Variants in SH2B1 observed in about 807,000 individuals in gnomAD.
SH2B1 encodes SH2B adapter protein 1.
A neutral mutation model predicts 62.6 loss-of-function variants in SH2B1; 15 were observed. The observed-to-expected ratio is 0.24, with a 90% CI of 0.16 to 0.37. SH2B1 has a LOEUF of 0.37. SH2B1 is among the 10% of genes least tolerant of loss of function. The pLI is 1.00. For synonymous variants in SH2B1, 443 were observed against 438.0 expected, an observed-to-expected ratio of 1.01 and a Z score of -0.14; for missense variants, 925 against 1,015.6, an observed-to-expected ratio of 0.91 and a Z score of 1.21.
In SH2B1 at chr16:28,866,866, G is replaced by T. The variant is rs1962740192; in HGVS notation, c.772G>T (p.Ala258Ser). The T allele has an allele frequency of 6.2e-7, 1 of 1,609,552 alleles. No homozygotes were observed. The highest frequency in any genetic ancestry group is 1.3e-5 in the African/African-American group (1 of 74,874). The change falls in exon 1 of 8, where the codon GCT becomes TCT. Residue 258 changes from alanine to serine, a missense_variant. By Grantham distance (99) the Ala-to-Ser change is moderately conservative. Transcript: ENST00000684370. The surrounding 1 kb of genome is among the most constrained non-coding windows in gnomAD (Gnocchi z 6.3). ...GGAAGAGCTGCTGAGTTTCATGGGG[G>T]CTGAGGAGGCAGCCCCTGACCCAGC... ...QREELLSFMG[A>S]EEAAPDPAGV... is the part of the protein sequence containing the mutation.
intron 2 of SH2B1, 53 bp downstream of exon 2, chr16:28,867,485 C>T: frequency 1.4e-6 from 2 of 1,390,248 alleles, no homozygotes; most frequent in South Asian, 1.2e-5. Context: ...GGAGAAAGCC[C>T]TCAGCGCATT....
At chr16:28,870,694 T>G (rs1962979624) in intron 4 of SH2B1, among the ~76,000 whole-genome samples, 1 of 152,132 alleles carries the variant, frequency 6.6e-6, no homozygotes, top group South Asian at 2.1e-4. Flanking sequence ...GTTTGTGTTT[T>G]TGTTTTTGAG....
chr16:28,867,420 G>C lies in SH2B1; in HGVS notation c.1029G>C (p.Thr343=). The part of the protein sequence containing the change: ...TALEMPDREN[T]FVVKVEGPSE... ...TGGAGATGCCTGACCGGGAGAACACGTTTGTGGTTAAGGTAGGAATTCAAC... is the reference window on the plus strand; with the variant it reads ...TGGAGATGCCTGACCGGGAGAACACCTTTGTGGTTAAGGTAGGAATTCAAC... Residue 343 remains threonine (T), a synonymous_variant, in exon 2 of 8, where the codon ACG becomes ACC. Coordinates refer to ENST00000684370, the MANE Select transcript of SH2B1 (RefSeq NM_001387430.1). 6.2e-7 allele frequency: 1 copy of C among 1,613,518 alleles called. No individual in the cohort carries two copies. The highest frequency in any genetic ancestry group is 8.5e-7 in the Non-Finnish European group (1 of 1,179,392).
rs935756026 is a variant in SH2B1, at chr16:28,872,502, C to T, written c.1726-32C>T. ...GGTTTGTACCTGGCAGGGCCTTTGCCTCCTACCTCACCTCCCCCATCCCGC... is the reference window on the plus strand; with the variant it reads ...GGTTTGTACCTGGCAGGGCCTTTGCTTCCTACCTCACCTCCCCCATCCCGC... On this transcript the variant is annotated intron_variant, in intron 6 of 7. Coordinates refer to ENST00000684370, the MANE Select transcript of SH2B1 (RefSeq NM_001387430.1). This position sits in a 1 kb window ranked among gnomAD's most constrained non-coding sequence, Gnocchi z 5.3. The T allele has an allele frequency of 3.8e-6, 6 of 1,593,324 alleles. No individual in the cohort carries two copies. Among genetic ancestry groups the T allele is most frequent in the Non-Finnish European group, 5.1e-6 (6 of 1,167,150 alleles).
upstream of SH2B1, among the ~76,000 whole-genome samples, chr16:28,859,569 G>A (rs1292818417): frequency 1.3e-5 from 2 of 152,080 alleles, no homozygotes; most frequent in Non-Finnish European, 2.9e-5. Flanking sequence ...CAGGGAGCCA[G>A]GCGTGGGTCA....
chr16:28,865,312 G>A lies in SH2B1; in HGVS notation c.-783G>A. On this transcript the variant is annotated 5_prime_UTR_variant, in exon 1 of 8. Coordinates refer to ENST00000684370, the MANE Select transcript of SH2B1 (RefSeq NM_001387430.1). ...CTCCTTCACGCAGTGCGTGGGTGCTGGACTCTGGGGTCAGCTTTCAAGACA... is the reference window on the plus strand; with the variant it reads ...CTCCTTCACGCAGTGCGTGGGTGCTAGACTCTGGGGTCAGCTTTCAAGACA... The A allele has an allele frequency of 1.0e-6, 1 of 985,690 alleles. No homozygotes were observed. The highest frequency in any genetic ancestry group is 1.2e-6 in the Non-Finnish European group (1 of 829,994). The allele number at this position is 985,690 out of a possible 1,614,324, so 61.1% of individuals were successfully genotyped here.
In SH2B1 at chr16:28,852,854, TTA is replaced by T. The variant is rs1448939943; in HGVS notation, c.-301+6035_-301+6036del. On this transcript the variant is annotated intron_variant, in intron 1 of 10. Transcript: ENST00000322610. ...TATATATATATACATATATATATTTTTATATATATTTACATATATATTTTTAT... is the reference window on the plus strand; with the variant it reads ...TATATATATATACATATATATATTTTTATATATTTACATATATATTTTTAT... Among the ~76,000 whole-genome samples, 19 of 88,128 alleles carry T rather than the reference TTA, an allele frequency of 2.2e-4. 2 individuals are homozygous for T. Among genetic ancestry groups the T allele is most frequent in the South Asian group, 3.6e-4 (1 of 2,808 alleles). The allele number at this position is 88,128 out of a possible 152,430, so 57.8% of individuals were successfully genotyped here. A position where few individuals can be genotyped will look rare whatever the true frequency, so the allele number is the denominator to read the frequency against.
chr16:28,859,672 C>T (rs1962392358), upstream of SH2B1, among the ~76,000 whole-genome samples: 1 of 151,384 alleles, frequency 6.6e-6, no homozygotes. Flanking sequence ...TGTACCACTG[C>T]ACTCCAGCCC....
At position 28,873,711 on chromosome 16, in the gene SH2B1, G is replaced by A. The variant is rs1401234322; in HGVS notation, c.2162G>A (p.Gly721Glu). 1 of 1,500,360 alleles carries A rather than the reference G, an allele frequency of 6.7e-7. No individual in the cohort carries two copies. The highest frequency in any genetic ancestry group is 2.5e-5 in the East Asian group (1 of 40,462). The allele number at this position is 1,500,360 out of a possible 1,614,324, so 92.9% of individuals were successfully genotyped here. A position where few individuals can be genotyped will look rare whatever the true frequency, so the allele number is the denominator to read the frequency against. The change falls in exon 8 of 8, where the codon GGG becomes GAG. Residue 721 changes from glycine (G) to glutamate (E), a missense_variant. Coordinates refer to ENST00000684370, the MANE Select transcript of SH2B1 (RefSeq NM_001387430.1). The surrounding 1 kb of genome is among the most constrained non-coding windows in gnomAD (Gnocchi z 4.2). ...GAGGCCCAGGGCGCTGGGTCTGGTGGGGACGCGGGGGTGCCCCCAATGGTG... is the reference window on the plus strand; with the variant it reads ...GAGGCCCAGGGCGCTGGGTCTGGTGAGGACGCGGGGGTGCCCCCAATGGTG... ...GSEAQGAGSGGDAGVPPMVQL... is the reference protein window; with the variant it reads ...GSEAQGAGSGEDAGVPPMVQL...
In SH2B1 at chr16:28,865,659, CA is replaced by C; in HGVS notation, c.-435del. 1.0e-6 allele frequency: 1 copy of C among 994,854 alleles called. No individual in the cohort carries two copies. Among genetic ancestry groups the C allele is most frequent in the African/African-American group, 1.7e-5 (1 of 57,684 alleles). 61.6% of individuals were successfully genotyped at this position (994,854 alleles called of 1,614,324 possible). ...CCAAGTGGGAGCCTCTAGAATGGCT[CA>C]TGGGAAGTGTGACATGAATATTGGA... On this transcript the variant is annotated 5_prime_UTR_variant, in exon 1 of 8. It removes an upstream start codon present in the reference 5' UTR. Coordinates refer to ENST00000684370, the MANE Select transcript of SH2B1 (RefSeq NM_001387430.1).
chr16:28,848,208 C>T (rs903294906), intron 1 of SH2B1, among the ~76,000 whole-genome samples: 2 of 151,896 alleles, frequency 1.3e-5, no homozygotes, highest in Non-Finnish European at 2.9e-5. Context: ...GGAGGCCGGG[C>T]GGGTGGATTG....
chr16:28,871,755 T>C (rs1478473006), intron 4 of SH2B1, 25 bp from the exon 5 acceptor site: 1 of 1,596,602 alleles, frequency 6.3e-7, no homozygotes, highest in Non-Finnish European at 8.6e-7. Flanking sequence ...TCTTGGGTTC[T>C]CAGCTTTGCC....
chr16:28,855,117 G>A (rs1360873213), intron 1 of SH2B1, among the ~76,000 whole-genome samples: 1 of 151,904 alleles, frequency 6.6e-6, no homozygotes, highest in African/African-American at 2.4e-5. Context: ...CGGGTGATCT[G>A]CCCACCTTGG....
chr16:28,851,043 G>A (rs1962087460), intron 1 of SH2B1, among the ~76,000 whole-genome samples: 3 of 144,202 alleles, frequency 2.1e-5, no homozygotes, highest in South Asian at 2.2e-4. Context: ...GCATGGTGGC[G>A]CTTGCCTGTA....
At chr16:28,848,734 C>T (rs1962038805) in intron 1 of SH2B1, among the ~76,000 whole-genome samples, 2 of 145,778 alleles carry the variant, frequency 1.4e-5, no homozygotes, top group Non-Finnish European at 1.5e-5. Flanking sequence ...TGCAGTGACA[C>T]GATCTCGGCT....
At position 28,863,957 on chromosome 16, in the gene SH2B1, A is replaced by C; in HGVS notation, c.-2138A>C. 10 of 1,432,746 alleles carry C rather than the reference A, an allele frequency of 7.0e-6. No individual in the cohort carries two copies. Among genetic ancestry groups the C allele is most frequent in the South Asian group, 1.4e-5 (1 of 70,082 alleles). 88.8% of individuals were successfully genotyped at this position (1,432,746 alleles called of 1,614,324 possible). On this transcript the variant is annotated 5_prime_UTR_variant, in exon 1 of 8. Coordinates refer to ENST00000684370, the MANE Select transcript of SH2B1 (RefSeq NM_001387430.1). The stretch of plus-strand genomic sequence containing the variant: ...GGACCGAGATGCAGGTGGGACCGGA[A>C]CCGGAACCCCCCTCTTCAAGTACCT...
In SH2B1 at chr16:28,872,071, G is replaced by C. The variant is rs987499672; in HGVS notation, c.1513+88G>C. ...CTGGGATCCCGAGGGAGCTGGCCCAGGGGAGTTGGGGACGCATGTGGGGAG... is the reference window on the plus strand; with the variant it reads ...CTGGGATCCCGAGGGAGCTGGCCCACGGGAGTTGGGGACGCATGTGGGGAG... On this transcript the variant is annotated intron_variant, in intron 5 of 7. Coordinates refer to ENST00000684370, the MANE Select transcript of SH2B1 (RefSeq NM_001387430.1). This position sits in a 1 kb window ranked among gnomAD's most constrained non-coding sequence, Gnocchi z 5.3. The C allele has an allele frequency of 8.9e-6, 12 of 1,342,530 alleles. No individual in the cohort carries two copies. The African/African-American group carries it at 1.6e-4, about 18-fold the overall frequency. The allele number at this position is 1,342,530 out of a possible 1,614,324, so 83.2% of individuals were successfully genotyped here. A position where few individuals can be genotyped will look rare whatever the true frequency, so the allele number is the denominator to read the frequency against.
Position 28,867,050 on chromosome 16 carries a change from G to T in SH2B1, c.939+17G>T, listed in dbSNP as rs778568316. ...CCACCCAAGGTGAGGCCCCTTGGAG[G>T]GTGGGTGACTGAGAGCAAGTGAGAG... On this transcript the variant is annotated intron_variant, in intron 1 of 7. Coordinates refer to ENST00000684370, the MANE Select transcript of SH2B1 (RefSeq NM_001387430.1). The T allele has an allele frequency of 6.3e-7, 1 of 1,598,428 alleles. No homozygotes were observed. The highest frequency in any genetic ancestry group is 1.3e-5 in the African/African-American group (1 of 74,928).
upstream of SH2B1, chr16:28,863,807 T>TC (rs1962533162): frequency 6.5e-7 from 1 of 1,535,216 alleles, no homozygotes; most frequent in Non-Finnish European, 8.7e-7. Context: ...GGTCTCTTCC[T>TC]TCAGCGACGG....
Sources: allele counts gnomAD v4.1 joint callset (sites outside exome capture counted in the v4.1 genomes callset), GRCh38; gene constraint gnomAD v4.1.1; non-coding constraint Gnocchi (gnomAD v3.1); transcripts MANE v1.5; gene names NCBI Gene and HGNC (gene_info 2026-07-23, HGNC 2026-07-21).